The following SLC2A9 variants were observed in gnomAD, a reference collection of about 807,000 sequenced individuals.
SLC2A9 encodes solute carrier family 2, facilitated glucose transporter member 9.
A neutral mutation model predicts 50.6 loss-of-function variants in SLC2A9; 39 were observed. The observed-to-expected ratio is 0.77, with a 90% CI of 0.60 to 1.01. SLC2A9 has a LOEUF of 1.01. SLC2A9 is among the 50% of genes least tolerant of loss of function. The pLI, the probability that SLC2A9 is intolerant of heterozygous loss-of-function variation, is 0.00. For synonymous variants in SLC2A9, 324 were observed against 276.9 expected, an observed-to-expected ratio of 1.17 and a Z score of -1.69; for missense variants, 686 against 677.6, an observed-to-expected ratio of 1.01 and a Z score of -0.14.
At chr4:10,017,761 C>T (rs1256439334) in intron 2 of SLC2A9, among the ~76,000 whole-genome samples, 1 of 152,218 alleles carries the variant, frequency 6.6e-6, no homozygotes, top group African/African-American at 2.4e-5. Context: ...CTCCAAGAAC[C>T]TGGAGCTCCC....
intron 3 of SLC2A9, among the ~76,000 whole-genome samples, chr4:9,817,746 A>C (rs1166333665): frequency 6.6e-6 from 1 of 152,198 alleles, no homozygotes; most frequent in Non-Finnish European, 1.5e-5. Flanking sequence ...TTAAACAATA[A>C]AAAGCAGGGA....
intron 10 of SLC2A9, among the ~76,000 whole-genome samples, chr4:9,876,697 T>C (rs896113790): frequency 6.6e-6 from 1 of 152,226 alleles, no homozygotes; most frequent in African/African-American, 2.4e-5. Flanking sequence ...ATTTATATAA[T>C]AGTTTAGAGT....
At chr4:9,825,551 C>A (rs1039171964), downstream of SLC2A9, among the ~76,000 whole-genome samples, 1 of 151,490 alleles carries the variant, frequency 6.6e-6, no homozygotes, top group South Asian at 2.1e-4. Flanking sequence ...TTTTTCCCAC[C>A]AAGCCTAGGT....
chr4:9,944,256 T>C (rs1748714679), intron 5 of SLC2A9, among the ~76,000 whole-genome samples: 1 of 152,350 alleles, frequency 6.6e-6, no homozygotes, highest in Non-Finnish European at 1.5e-5. Context: ...TTGCTGCCTT[T>C]CCATGGCTCT....
At chr4:9,975,016 A>G (rs1754554458) in intron 5 of SLC2A9, among the ~76,000 whole-genome samples, 2 of 152,348 alleles carry the variant, frequency 1.3e-5, no homozygotes, top group Middle Eastern at 3.4e-3. Flanking sequence ...AGGACTTCCT[A>G]TTCAATAAAT....
Position 10,033,602 on chromosome 4 carries a change from G to T in SLC2A9, c.-41+6528C>A, listed in dbSNP as rs181280388. Among the ~76,000 whole-genome samples the T allele has an allele frequency of 2.6e-5, 4 of 152,312 alleles. No individual in the cohort carries two copies. In the East Asian group the frequency reaches 7.7e-4, roughly 29 times the overall value. On this transcript the variant is annotated intron_variant, in intron 1 of 12. Transcript: ENST00000309065. Reference sequence around the variant, plus strand: ...TGTATGTGGGACAAGCAGCTGTGTGGCTGAAGCCTTGGTCCATGTCTAAGG... The same window carrying T: ...TGTATGTGGGACAAGCAGCTGTGTGTCTGAAGCCTTGGTCCATGTCTAAGG...
chr4:9,937,409 G>A (rs957934474), intron 6 of SLC2A9, among the ~76,000 whole-genome samples: 1 of 152,166 alleles, frequency 6.6e-6, no homozygotes, highest in African/African-American at 2.4e-5. Flanking sequence ...AGGGAAAAGG[G>A]AGTCCTGGGG....
intron 6 of SLC2A9, among the ~76,000 whole-genome samples, chr4:9,940,436 T>C (rs1313791240): frequency 4.6e-5 from 7 of 152,120 alleles, no homozygotes; most frequent in African/African-American, 1.7e-4. Flanking sequence ...GGGTTTAAGA[T>C]TGGGGGTGGG....
chr4:9,826,700 A>G, intron 11 of SLC2A9, 100 bp from the exon 12 acceptor site: 1 of 1,078,314 alleles, frequency 9.3e-7, no homozygotes, highest in Non-Finnish European at 1.4e-6. Flanking sequence ...ACATTCATAT[A>G]CCAATACTCC....
At chr4:10,027,572 G>C (rs774452342) in intron 1 of SLC2A9, among the ~76,000 whole-genome samples, 1 of 152,050 alleles carries the variant, frequency 6.6e-6, no homozygotes, top group African/African-American at 2.4e-5. Flanking sequence ...CAGTGAGGTT[G>C]ACCTCTCCTC....
chr4:9,790,788 G>A (rs1029227836), intron 3 of SLC2A9, among the ~76,000 whole-genome samples: 26 of 152,282 alleles, frequency 1.7e-4, no homozygotes, highest in African/African-American at 5.3e-4. Context: ...AATTGGATGT[G>A]TTAGAATGTA....
In SLC2A9 at chr4:9,866,166, T is replaced by G. The variant is rs147228890; in HGVS notation, c.1291+21401A>C. Among the ~76,000 whole-genome samples the G allele has an allele frequency of 2.9e-3, 439 of 152,268 alleles. 6 individuals are homozygous for G. Among genetic ancestry groups the G allele is most frequent in the African/African-American group, 0.01 (431 of 41,562 alleles). ...TTTCTCATCTGTAAAATGGGTGCACTGATCCAACAGAATGGATATGAACAT... is the reference window on the plus strand; with the variant it reads ...TTTCTCATCTGTAAAATGGGTGCACGGATCCAACAGAATGGATATGAACAT... On this transcript the variant is annotated intron_variant, in intron 10 of 11. Transcript: ENST00000264784.
chr4:10,039,341 C>T (rs10516196), intron 1 of SLC2A9, among the ~76,000 whole-genome samples: 15,227 of 152,216 alleles, frequency 0.1, 1,356 homozygotes, highest in East Asian at 0.46. Context: ...AATGAATGTC[C>T]ATCTGTGCTC....
At chr4:9,779,308 C>A (rs115885291), downstream of SLC2A9, among the ~76,000 whole-genome samples, 842 of 152,268 alleles carry the variant, frequency 5.5e-3, 6 homozygotes, top group African/African-American at 0.019. Context: ...TCCCCAACTG[C>A]TGTACACTTA....
intron 10 of SLC2A9, among the ~76,000 whole-genome samples, chr4:9,840,794 A>G (rs1727941472): frequency 6.6e-6 from 1 of 152,226 alleles, no homozygotes; most frequent in Non-Finnish European, 1.5e-5. Flanking sequence ...GACACTGAGT[A>G]ATTTATAAAG....
intron 10 of SLC2A9, among the ~76,000 whole-genome samples, chr4:9,868,893 G>A (rs1732952745): frequency 6.6e-6 from 1 of 152,176 alleles, no homozygotes; most frequent in South Asian, 2.1e-4. Context: ...ACAGCTCTGT[G>A]TCTGCAGGAA....
At chr4:9,842,061 T>C (rs1378143317) in intron 10 of SLC2A9, among the ~76,000 whole-genome samples, 6 of 152,206 alleles carry the variant, frequency 3.9e-5, no homozygotes, top group Admixed American at 3.3e-4. Context: ...ATGTGATATA[T>C]TTCCTTGTTT....
chr4:9,830,493 A>G (rs1157329839), intron 11 of SLC2A9, among the ~76,000 whole-genome samples: 1 of 152,252 alleles, frequency 6.6e-6, no homozygotes, highest in East Asian at 1.9e-4. Context: ...AAACCTGCAC[A>G]TCCTGCACAT....
At chr4:9,967,422 G>A (rs980150158) in intron 5 of SLC2A9, among the ~76,000 whole-genome samples, 4 of 151,894 alleles carry the variant, frequency 2.6e-5, no homozygotes, top group African/African-American at 9.7e-5. Context: ...ATTTGTATGT[G>A]ATAGTTTAAA....
Sources: gnomAD v4.1 joint callset for allele counts (sites outside exome capture counted in the v4.1 genomes callset) on GRCh38, gnomAD v4.1.1 for gene constraint, MANE v1.5 for transcripts, NCBI Gene and HGNC (gene_info 2026-07-23, HGNC 2026-07-21) for gene names.